Variants in PPP4R4 observed in about 807,000 individuals in gnomAD.
PPP4R4 encodes the protein protein phosphatase 4 regulatory subunit 4.
In PPP4R4, 70 loss-of-function variants were observed where a neutral mutation model predicts 121.8. That is an observed-to-expected ratio of 0.57 (90% CI 0.47 to 0.70). The LOEUF is 0.70. PPP4R4 is among the 30% of genes least tolerant of loss of function. PPP4R4 has a pLI of 0.00. For missense variants in PPP4R4, 875 were observed against 1,033.6 expected (o/e 0.85, Z 2.10); for synonymous variants, 348 against 355.7 (o/e 0.98, Z 0.24).
intron 16 of PPP4R4, among the ~76,000 whole-genome samples, 193 bp from the exon 17 acceptor site, chr14:94,256,267 A>T (rs972661737): frequency 1.3e-5 from 2 of 151,926 alleles, no homozygotes; most frequent in African/African-American, 4.9e-5. Context: ...AGAGCAGAGA[A>T]TTTTGTTGGT....
At chr14:94,182,332 T>C (rs1321415250) in intron 2 of PPP4R4, among the ~76,000 whole-genome samples, 1 of 152,198 alleles carries the variant, frequency 6.6e-6, no homozygotes, top group Non-Finnish European at 1.5e-5. Flanking sequence ...GCTTGTTGAA[T>C]TTTCACAAGT....
intron 18 of PPP4R4, among the ~76,000 whole-genome samples, 173 bp downstream of exon 18, chr14:94,258,997 T>G (rs1893626181): frequency 6.6e-6 from 1 of 152,158 alleles, no homozygotes; most frequent in South Asian, 2.1e-4. Flanking sequence ...AGTCACATCT[T>G]ACATGGATGG....
At chr14:94,267,297 G>T (rs1323136672) in intron 23 of PPP4R4, among the ~76,000 whole-genome samples, 1 of 152,178 alleles carries the variant, frequency 6.6e-6, no homozygotes, top group Non-Finnish European at 1.5e-5. Context: ...TACTGGGAAG[G>T]TTTACTGAGG....
chr14:94,250,223 C>G lies in PPP4R4; in HGVS notation c.1663C>G (p.Arg555Gly). 1 of 1,612,022 alleles carries G rather than the reference C, an allele frequency of 6.2e-7. No homozygotes were observed. The highest frequency in any genetic ancestry group is 8.5e-7 in the Non-Finnish European group (1 of 1,178,638). Residue 555 changes from arginine (R) to glycine (G), a missense_variant, in exon 15 of 25, where the codon CGT (arginine) becomes GGT (glycine). Physicochemically the swap from Arg to Gly is moderately radical, Grantham distance 125. Transcript: ENST00000304338. ...TTCACGAACTCTATGCATTTTTCTG[C>G]GTTATAATCGTAAACAAGAACAGAG... is the stretch of plus-strand genomic sequence containing the variant. Reference protein sequence around the residue: ...AASRTLCIFLRYNRKQEQRHE... With the variant: ...AASRTLCIFLGYNRKQEQRHE...
intron 3 of PPP4R4, among the ~76,000 whole-genome samples, chr14:94,210,707 TA>T (rs1890698971): frequency 1.3e-5 from 2 of 152,156 alleles, no homozygotes; most frequent in African/African-American, 4.8e-5. Flanking sequence ...AGAACAAGTA[TA>T]ATAGAGTATT....
intron 2 of PPP4R4, among the ~76,000 whole-genome samples, chr14:94,205,538 CTT>C (rs971870974): frequency 1.3e-5 from 2 of 150,956 alleles, no homozygotes; most frequent in African/African-American, 4.9e-5. Context: ...AATCTCATCT[CTT>C]TGTTTCTTCT....
intron 12 of PPP4R4, among the ~76,000 whole-genome samples, chr14:94,244,931 T>C (rs918679162): frequency 6.6e-6 from 1 of 152,120 alleles, no homozygotes; most frequent in African/African-American, 2.4e-5. Flanking sequence ...TTAGTATATG[T>C]ATATTTGTTT....
chr14:94,183,319 A>C (rs1037963240), intron 2 of PPP4R4, among the ~76,000 whole-genome samples: 1 of 152,214 alleles, frequency 6.6e-6, no homozygotes, highest in Non-Finnish European at 1.5e-5. Flanking sequence ...TTGCCTTTCT[A>C]CATGGAAATT....
chr14:94,251,616 C>T, intron 15 of PPP4R4, 133 bp from the exon 16 acceptor site: 21 of 597,606 alleles, frequency 3.5e-5, no homozygotes, highest in South Asian at 1.1e-4. Context: ...GATATTTTTC[C>T]TCTTATGTCT....
intron 11 of PPP4R4, among the ~76,000 whole-genome samples, chr14:94,243,485 G>A (rs1015792390): frequency 6.6e-6 from 1 of 152,106 alleles, no homozygotes; most frequent in African/African-American, 2.4e-5. Flanking sequence ...GGTTGTACAA[G>A]TTTGGAGTCT....
At chr14:94,245,555 A>G (rs1262923037) in intron 12 of PPP4R4, 32 bp from the exon 13 acceptor site, 1 of 1,162,032 alleles carries the variant, frequency 8.6e-7, no homozygotes, top group Non-Finnish European at 1.2e-6. Flanking sequence ...CATAGTAATC[A>G]CTATAACAGT....
chr14:94,217,077 C>A (rs1216548496), intron 3 of PPP4R4, among the ~76,000 whole-genome samples: 1 of 152,102 alleles, frequency 6.6e-6, no homozygotes, highest in Non-Finnish European at 1.5e-5. Context: ...GGCTCAAAGA[C>A]CCCCTACCTA....
intron 12 of PPP4R4, among the ~76,000 whole-genome samples, chr14:94,245,228 G>T (rs532594219): frequency 6.6e-6 from 1 of 152,036 alleles, no homozygotes; most frequent in Non-Finnish European, 1.5e-5. Context: ...TTGCCAAAGC[G>T]CAGCTCATGA....
rs1048225509 is a variant in PPP4R4 at position 94,233,552 on chromosome 14, A to G, written c.517-101A>G. 5.6e-6 allele frequency: 4 copies of G among 715,266 alleles called. No homozygotes were observed. In the Admixed American group the frequency reaches 8.8e-5, roughly 16 times the overall value. The allele number at this position is 715,266 out of a possible 1,614,324, so 44.3% of individuals were successfully genotyped here. A position where few individuals can be genotyped will look rare whatever the true frequency, so the allele number is the denominator to read the frequency against. The stretch of plus-strand genomic sequence containing the variant: ...CCTCAAATCGTAATTCAGGTTCTTT[A>G]AAAACATTTAGAACTTTAAAATACT... On this transcript the variant is annotated intron_variant, in intron 5 of 24. Transcript: ENST00000304338.
At chr14:94,238,387 G>T (rs1892457274) in intron 8 of PPP4R4, among the ~76,000 whole-genome samples, 1 of 152,226 alleles carries the variant, frequency 6.6e-6, no homozygotes, top group Non-Finnish European at 1.5e-5. Flanking sequence ...ACTTGTGTGT[G>T]TATAGGGCTA....
chr14:94,264,293 C>T (rs10149660), intron 19 of PPP4R4, among the ~76,000 whole-genome samples: 46,642 of 151,882 alleles, frequency 0.31, 8,222 homozygotes, highest in African/African-American at 0.48. Flanking sequence ...GGATTACAGG[C>T]GTGCATCACC....
At chr14:94,214,800 GC>G (rs1890937381) in intron 3 of PPP4R4, among the ~76,000 whole-genome samples, 1 of 152,072 alleles carries the variant, frequency 6.6e-6, no homozygotes, top group African/African-American at 2.4e-5. Context: ...AAAATTTGAA[GC>G]TTTTTGAGCA....
At position 94,216,135 on chromosome 14, in the gene PPP4R4, G is replaced by GAT. The variant is rs138353496; in HGVS notation, c.294+7571_294+7572dup. Among the ~76,000 whole-genome samples the GAT allele has an allele frequency of 2.9e-3, 448 of 152,334 alleles. 1 individual carries two copies. Among genetic ancestry groups the GAT allele is most frequent in the African/African-American group, 0.01 (425 of 41,574 alleles). ...TTAAGCTTGTAAGTGAGTAAGGAATGATACTAGGGCTCAAAAACAAAGCAA... is the reference window on the plus strand; with the variant it reads ...TTAAGCTTGTAAGTGAGTAAGGAATGATATACTAGGGCTCAAAAACAAAGCAA... On this transcript the variant is annotated intron_variant, in intron 3 of 24. Transcript: ENST00000304338.
At chr14:94,276,015 C>T (rs1894619074) in intron 24 of PPP4R4, among the ~76,000 whole-genome samples, 1 of 152,108 alleles carries the variant, frequency 6.6e-6, no homozygotes, top group Non-Finnish European at 1.5e-5. Context: ...CCTCCTTTCT[C>T]CTTTTCCCCC....
Sources: gnomAD v4.1 joint callset for allele counts (sites outside exome capture counted in the v4.1 genomes callset) on GRCh38, gnomAD v4.1.1 for gene constraint, MANE v1.5 for transcripts, NCBI Gene and HGNC (gene_info 2026-07-23, HGNC 2026-07-21) for gene names.